The following FBXL18 variants were observed in gnomAD, a reference collection of about 807,000 sequenced individuals.
The protein encoded by FBXL18 is F-box and leucine rich repeat protein 18.
A neutral mutation model predicts 46.0 loss-of-function variants in FBXL18; 36 were observed. The ratio of observed to expected loss-of-function variants is 0.78; its 90% CI spans 0.60 to 1.03. The LOEUF (loss-of-function observed/expected upper bound fraction) is 1.03, where lower values mean the gene tolerates loss of function less well. Among genes scored for constraint, FBXL18 ranks in the 50% least tolerant of loss-of-function variants. FBXL18 has a pLI of 0.00. For synonymous variants in FBXL18, 557 were observed against 465.3 expected, an observed-to-expected ratio of 1.20 and a Z score of -2.54; for missense variants, 977 against 1,004.1, an observed-to-expected ratio of 0.97 and a Z score of 0.36.
chr7:5,505,841 A>T (rs1784381278), intron 1 of FBXL18, among the ~76,000 whole-genome samples: 1 of 152,176 alleles, frequency 6.6e-6, no homozygotes, highest in African/African-American at 2.4e-5. Flanking sequence ...AAAATGAAAG[A>T]TTACAAAAAA....
At chr7:5,461,795 G>T (rs1265686111) in intron 4 of FBXL18, among the ~76,000 whole-genome samples, 1 of 152,044 alleles carries the variant, frequency 6.6e-6, no homozygotes, top group African/African-American at 2.4e-5. Context: ...ACAAAAATTG[G>T]CCAGGCATGA....
chr7:5,468,795 C>G (rs1783384006), intron 4 of FBXL18, among the ~76,000 whole-genome samples: 1 of 151,892 alleles, frequency 6.6e-6, no homozygotes, highest in Admixed American at 6.6e-5. Context: ...AGACAAGGAT[C>G]TCACTATGTT....
In FBXL18 at chr7:5,480,844, G is replaced by C. The variant is rs191699739; in HGVS notation, c.*931C>G. ...CCCAAAGTGCCGGGATTACAGGCGTGAGCCATCGCGCCCAGCTGAGTATTT... is the reference window on the plus strand; with the variant it reads ...CCCAAAGTGCCGGGATTACAGGCGTCAGCCATCGCGCCCAGCTGAGTATTT... On this transcript the variant is annotated 3_prime_UTR_variant, in exon 5 of 5. Transcript: ENST00000382368. The C allele has an allele frequency of 4.6e-5, 7 of 152,226 alleles. No individual in the cohort carries two copies. Among genetic ancestry groups the C allele is most frequent in the Admixed American group, 4.6e-4 (7 of 15,278 alleles). The allele number at this position is 152,226 out of a possible 1,614,324, so 9.4% of individuals were successfully genotyped here. A position where few individuals can be genotyped will look rare whatever the true frequency, so the allele number is the denominator to read the frequency against.
intron 4 of FBXL18, among the ~76,000 whole-genome samples, chr7:5,469,665 G>A (rs1783397724): frequency 6.6e-6 from 1 of 151,428 alleles, no homozygotes; most frequent in Admixed American, 6.6e-5. Flanking sequence ...CTCCGTGTGT[G>A]GATGTGAGCG....
chr7:5,485,840 G>A (rs1023146629), intron 4 of FBXL18, among the ~76,000 whole-genome samples: 1 of 152,038 alleles, frequency 6.6e-6, no homozygotes, highest in African/African-American at 2.4e-5. Context: ...TTACCTGAGA[G>A]GTCAGGAGTT....
chr7:5,491,579 C>T (rs974635705), intron 3 of FBXL18, 130 bp from the exon 4 acceptor site: 1 of 717,326 alleles, frequency 1.4e-6, no homozygotes. Flanking sequence ...CGCCACCTCC[C>T]ACCAATACCA....
At chr7:5,461,434 C>T (rs1010745356) in intron 4 of FBXL18, among the ~76,000 whole-genome samples, 1 of 152,098 alleles carries the variant, frequency 6.6e-6, no homozygotes, top group African/African-American at 2.4e-5. Flanking sequence ...AAAGTAATGG[C>T]AAGAACCACC....
chr7:5,494,713 C>A (rs1784027092), intron 3 of FBXL18, among the ~76,000 whole-genome samples: 1 of 152,122 alleles, frequency 6.6e-6, no homozygotes, highest in African/African-American at 2.4e-5. Flanking sequence ...GATTTCTCTC[C>A]AAAGCAAAAG....
At chr7:5,494,352 T>C (rs1016300155) in intron 3 of FBXL18, among the ~76,000 whole-genome samples, 3 of 151,868 alleles carry the variant, frequency 2.0e-5, no homozygotes, top group South Asian at 2.1e-4. Context: ...GGCAGGAGAA[T>C]TGCTTGGAGG....
intron 4 of FBXL18, among the ~76,000 whole-genome samples, chr7:5,485,783 G>A (rs1280690894): frequency 6.6e-6 from 1 of 152,104 alleles, no homozygotes; most frequent in Non-Finnish European, 1.5e-5. Context: ...CGGGCGCGGT[G>A]GCTCAAGCCT....
intron 4 of FBXL18, among the ~76,000 whole-genome samples, chr7:5,483,511 G>A (rs531807990): frequency 5.3e-5 from 8 of 151,504 alleles, no homozygotes; most frequent in Non-Finnish European, 7.4e-5. Flanking sequence ...TTGGGAGGCC[G>A]AGGTGGGCAG....
downstream of FBXL18, among the ~76,000 whole-genome samples, chr7:5,473,111 A>C (rs1279198725): frequency 6.6e-6 from 1 of 152,090 alleles, no homozygotes; most frequent in Non-Finnish European, 1.5e-5. Flanking sequence ...GCCAGACACA[A>C]GACATCACCA....
chr7:5,485,942 C>T (rs1210058187), intron 4 of FBXL18, among the ~76,000 whole-genome samples: 1 of 152,026 alleles, frequency 6.6e-6, no homozygotes, highest in African/African-American at 2.4e-5. Flanking sequence ...GCCTGTAATC[C>T]CAGCTACTCA....
At chr7:5,486,808 C>G (rs6962735) in intron 4 of FBXL18, among the ~76,000 whole-genome samples, 74,991 of 152,088 alleles carry the variant, frequency 0.49, 18,765 homozygotes, top group East Asian at 0.7. Flanking sequence ...GCCACGACAC[C>G]GGCCGGCCCT....
rs920109398 is a variant in FBXL18 at position 5,500,934 on chromosome 7, C to T, written c.1335G>A (p.Pro445=). The T allele has an allele frequency of 2.6e-6, 4 of 1,556,772 alleles. No individual in the cohort carries two copies. The Admixed American group carries it at 6.0e-5, about 23-fold the overall frequency. ...CACGCACTTTCTTGCCAAAGCCGCG[C>T]GGCACTGCGTGCATGGCCGGCTGGG... The part of the protein sequence containing the change: ...APAQPAMHAV[P]RGFGKKVRVG... The change falls in exon 3 of 5, where the codon CCG becomes CCA. Residue 445 remains proline (P), a synonymous_variant. Transcript: ENST00000382368.
rs1783605892 is a variant in FBXL18, at chr7:5,480,260, C to T, written c.*1515G>A. Reference sequence around the variant, plus strand: ...CAAGGGGCCCTTCACCAAGAGCGGCCAGGGCGGCGGTCCAGGCTAGCAGGG... The same window carrying T: ...CAAGGGGCCCTTCACCAAGAGCGGCTAGGGCGGCGGTCCAGGCTAGCAGGG... On this transcript the variant is annotated 3_prime_UTR_variant, in exon 5 of 5. Transcript: ENST00000382368. Among the ~76,000 whole-genome samples, 2 of 152,108 alleles carry T rather than the reference C, an allele frequency of 1.3e-5. No homozygotes were observed. The highest frequency in any genetic ancestry group is 6.5e-5 in the Admixed American group (1 of 15,268).
intron 1 of FBXL18, among the ~76,000 whole-genome samples, chr7:5,506,281 CT>C (rs1293165803): frequency 7.0e-6 from 1 of 143,370 alleles, no homozygotes; most frequent in Admixed American, 7.3e-5. Flanking sequence ...CAAGGTCTTG[CT>C]TTGTCACCCA....
At chr7:5,459,755 T>A (rs147361930) in intron 4 of FBXL18, among the ~76,000 whole-genome samples, 60,498 of 137,430 alleles carry the variant, frequency 0.44, 14,084 homozygotes, top group Non-Finnish European at 0.54. Flanking sequence ...AAAAAAAAAA[T>A]ACAAAAAATT....
At chr7:5,466,556 G>T (rs1445755254) in intron 4 of FBXL18, among the ~76,000 whole-genome samples, 1 of 152,200 alleles carries the variant, frequency 6.6e-6, no homozygotes, top group African/African-American at 2.4e-5. Context: ...CCACGGCCCT[G>T]GTGATTGGAC....
Sources: gnomAD v4.1 joint callset for allele counts (sites outside exome capture counted in the v4.1 genomes callset) on GRCh38, gnomAD v4.1.1 for gene constraint, MANE v1.5 for transcripts, NCBI Gene and HGNC (gene_info 2026-07-23, HGNC 2026-07-21) for gene names.